Variants in ODF1 observed in about 807,000 individuals in gnomAD.
The protein encoded by ODF1 is outer dense fiber protein 1.
ODF1 carries 10 observed loss-of-function variants against 24.0 expected under a neutral mutation model. That is an observed-to-expected ratio of 0.42 (90% CI 0.26 to 0.71). The LOEUF is 0.71. ODF1 is among the 30% of genes least tolerant of loss of function. The probability of loss-of-function intolerance (pLI) is 0.28; values close to 1 mark genes in which losing one functional copy is unlikely to be tolerated. For synonymous variants in ODF1, 118 were observed against 121.3 expected, an observed-to-expected ratio of 0.97 and a Z score of 0.18; for missense variants, 282 against 307.9, an observed-to-expected ratio of 0.92 and a Z score of 0.63.
rs1826043361 is a variant in ODF1, at chr8:102,551,802, G to A, written c.75G>A (p.Leu25=). 4.3e-6 allele frequency: 7 copies of A among 1,614,028 alleles called. No homozygotes were observed. Among genetic ancestry groups the A allele is most frequent in the Non-Finnish European group, 5.9e-6 (7 of 1,180,022 alleles). The part of the protein sequence containing the change: ...IKKVDRELRQ[L]RCIDEFSTRC... ...AGGTGGACAGAGAACTAAGGCAACT[G>A]AGATGCATCGACGAATTTAGCACAC... The change falls in exon 1 of 2, where the codon CTG becomes CTA. Residue 25 remains leucine, a synonymous_variant. Coordinates refer to ENST00000285402, the MANE Select transcript of ODF1 (RefSeq NM_024410.4).
At position 102,552,080 on chromosome 8, in the gene ODF1, G is replaced by A. The variant is rs772794010; in HGVS notation, c.320+33G>A. The A allele has an allele frequency of 3.0e-5, 44 of 1,484,332 alleles. No individual in the cohort carries two copies. In the South Asian group the frequency reaches 3.3e-4, roughly 11 times the overall value. 91.9% of individuals were successfully genotyped at this position (1,484,332 alleles called of 1,614,324 possible). A position where few individuals can be genotyped will look rare whatever the true frequency, so the allele number is the denominator to read the frequency against. The stretch of plus-strand genomic sequence containing the variant: ...AACTTATTTTTAAATTTTTATAGTC[G>A]GTATATTAGCCTTATAAGTTGGAAT... On this transcript the variant is annotated intron_variant, in intron 1 of 1. Transcript: ENST00000285402.
At chr8:102,552,745 A>G (rs2436903) in intron 1 of ODF1, among the ~76,000 whole-genome samples, 86,896 of 151,970 alleles carry the variant, frequency 0.57, 25,433 homozygotes, top group Middle Eastern at 0.71. Context: ...TTTGTTTTAG[A>G]TTATATTTTC....
rs1458334133 is a variant in ODF1 at position 102,560,656 on chromosome 8, C to T, written c.525C>T (p.Phe175=). 1.2e-6 allele frequency: 2 copies of T among 1,614,214 alleles called. No homozygotes were observed. Among genetic ancestry groups the T allele is most frequent in the Admixed American group, 1.7e-5 (1 of 60,026 alleles). ...GCTACATGAACATCTGCAAAGAGTT[C>T]AGCTTGCCGCCCTGTGTGGATGAGA... ...KYSYMNICKE[F]SLPPCVDEKD... Residue 175 remains phenylalanine (F), a synonymous_variant, in exon 2 of 2, where the codon TTC becomes TTT. Transcript: ENST00000285402.
chr8:102,560,184 G>A (rs1278162831), intron 1 of ODF1, among the ~76,000 whole-genome samples: 2 of 149,418 alleles, frequency 1.3e-5, no homozygotes, highest in East Asian at 3.8e-4. Flanking sequence ...ATAATAAGAG[G>A]AGGAGCTGGT....
At chr8:102,554,376 T>A (rs1337633907) in intron 1 of ODF1, among the ~76,000 whole-genome samples, 3 of 152,206 alleles carry the variant, frequency 2.0e-5, no homozygotes, top group Non-Finnish European at 1.5e-5. Flanking sequence ...GCAAGGGGGT[T>A]GGTTAGTTAT....
chr8:102,557,701 T>C (rs1254439665), intron 1 of ODF1, among the ~76,000 whole-genome samples: 2 of 152,266 alleles, frequency 1.3e-5, no homozygotes, highest in Admixed American at 6.5e-5. Context: ...GGACTCCTAG[T>C]TGGGGCCCTT....
chr8:102,559,708 C>T (rs998822793), intron 1 of ODF1, among the ~76,000 whole-genome samples: 2 of 151,470 alleles, frequency 1.3e-5, no homozygotes, highest in African/African-American at 4.9e-5. Flanking sequence ...GGGCAAAAGA[C>T]TTTCACACAA....
chr8:102,560,933 G>A lies in ODF1; in HGVS notation c.*49G>A, dbSNP rs1414448850. ...TAATAGAAGTCAGTTACTCCAGCCAGGCAGCTCTCCCAATGTTTCTCCTCT... is the reference window on the plus strand; with the variant it reads ...TAATAGAAGTCAGTTACTCCAGCCAAGCAGCTCTCCCAATGTTTCTCCTCT... On this transcript the variant is annotated 3_prime_UTR_variant, in exon 2 of 2. Transcript: ENST00000285402. 1.3e-6 allele frequency: 2 copies of A among 1,519,196 alleles called. No individual in the cohort carries two copies. The highest frequency in any genetic ancestry group is 1.4e-5 in the African/African-American group (1 of 72,294). The allele number at this position is 1,519,196 out of a possible 1,614,324, so 94.1% of individuals were successfully genotyped here.
At chr8:102,553,540 C>T (rs1826074311) in intron 1 of ODF1, among the ~76,000 whole-genome samples, 1 of 152,198 alleles carries the variant, frequency 6.6e-6, no homozygotes, top group South Asian at 2.1e-4. Context: ...ATAAATTGCT[C>T]ACACTGTGAG....
chr8:102,557,996 T>C (rs540574864), intron 1 of ODF1, among the ~76,000 whole-genome samples: 1 of 152,350 alleles, frequency 6.6e-6, no homozygotes, highest in African/African-American at 2.4e-5. Context: ...TCCAGCAAGA[T>C]AGAGTGCTTG....
At position 102,560,384 on chromosome 8, in the gene ODF1, C is replaced by T. The variant is rs1208482870; in HGVS notation, c.321-68C>T. 2.8e-6 allele frequency: 4 copies of T among 1,419,302 alleles called. No individual in the cohort carries two copies. The African/African-American group carries it at 4.3e-5, about 15-fold the overall frequency. The allele number at this position is 1,419,302 out of a possible 1,614,324, so 87.9% of individuals were successfully genotyped here. A position where few individuals can be genotyped will look rare whatever the true frequency, so the allele number is the denominator to read the frequency against. ...TCAAAAGCTAGAAATCAAAATATTG[C>T]TTCTCAAGCTGTGTCTGGATTCTGA... On this transcript the variant is annotated intron_variant, in intron 1 of 1. Coordinates refer to ENST00000285402, the MANE Select transcript of ODF1 (RefSeq NM_024410.4).
intron 1 of ODF1, 120 bp from the exon 2 acceptor site, chr8:102,560,332 C>A: frequency 1.1e-6 from 1 of 901,304 alleles, no homozygotes; most frequent in Non-Finnish European, 1.7e-6. Context: ...TTTATTTTCA[C>A]AATGGCTAGT....
Position 102,555,040 on chromosome 8 carries a change from CA to C in ODF1, c.320+2994del, listed in dbSNP as rs140410842. Among the ~76,000 whole-genome samples the C allele has an allele frequency of 1.0e-2, 1,522 of 152,282 alleles. 20 individuals carry two copies. Among genetic ancestry groups the C allele is most frequent in the African/African-American group, 0.034 (1,394 of 41,540 alleles). ...GCTGCTTCAGAAGACACCATGTTGGCAGTGTCTTCCTTAGTAGAGACCCAAG... is the reference window on the plus strand; with the variant it reads ...GCTGCTTCAGAAGACACCATGTTGGCGTGTCTTCCTTAGTAGAGACCCAAG... On this transcript the variant is annotated intron_variant, in intron 1 of 1. Transcript: ENST00000285402.
At chr8:102,557,235 C>A (rs186625525) in intron 1 of ODF1, among the ~76,000 whole-genome samples, 4 of 152,138 alleles carry the variant, frequency 2.6e-5, no homozygotes, top group Non-Finnish European at 4.4e-5. Flanking sequence ...ACTCCCTTTG[C>A]GCAGAACCCC....
intron 1 of ODF1, among the ~76,000 whole-genome samples, chr8:102,559,450 T>C (rs999166916): frequency 1.3e-5 from 2 of 151,702 alleles, no homozygotes; most frequent in Middle Eastern, 3.2e-3. Flanking sequence ...CATTTTCCAA[T>C]TTCCATGGTG....
In ODF1 at chr8:102,560,528, G is replaced by A. The variant is rs202057125; in HGVS notation, c.397G>A (p.Gly133Ser). ...CATTTTAGGATCGGTGAATGTATGC[G>A]GTTTTGAACCCGATCAAGTCAAAGT... ...SNILGSVNVCGFEPDQVKVRV... is the reference protein window; with the variant it reads ...SNILGSVNVCSFEPDQVKVRV... The change falls in exon 2 of 2, where the codon GGT (glycine) becomes AGT (serine). Residue 133 changes from glycine to serine, a missense_variant. By Grantham distance (56) the Gly-to-Ser change is moderately conservative (BLOSUM62 0). Coordinates refer to ENST00000285402, the MANE Select transcript of ODF1 (RefSeq NM_024410.4). 1.5e-5 allele frequency: 25 copies of A among 1,614,190 alleles called. 1 individual carries two copies. The highest frequency in any genetic ancestry group is 4.4e-5 in the South Asian group (4 of 91,084).
In ODF1 at chr8:102,560,556, G is replaced by C; in HGVS notation, c.425G>C (p.Arg142Pro). 3 of 1,614,182 alleles carry C rather than the reference G, an allele frequency of 1.9e-6. No homozygotes were observed. The highest frequency in any genetic ancestry group is 2.5e-6 in the Non-Finnish European group (3 of 1,180,038). The change falls in exon 2 of 2, where the codon CGA becomes CCA. Residue 142 changes from arginine (R) to proline (P), a missense_variant. By Grantham distance (103) the Arg-to-Pro change is moderately radical. Coordinates refer to ENST00000285402, the MANE Select transcript of ODF1 (RefSeq NM_024410.4). ...TTTGAACCCGATCAAGTCAAAGTTC[G>C]AGTGAAGGATGGAAAGGTATGTGTG... ...CGFEPDQVKV[R>P]VKDGKVCVSA...
In ODF1 at chr8:102,560,529, G is replaced by A. The variant is rs758438919; in HGVS notation, c.398G>A (p.Gly133Asp). Residue 133 changes from glycine (G) to aspartate (D), a missense_variant, in exon 2 of 2, where the codon GGT (glycine) becomes GAT (aspartate). Physicochemically the swap from Gly to Asp is moderately conservative, Grantham distance 94. Transcript: ENST00000285402. ...SNILGSVNVCGFEPDQVKVRV... is the reference protein window; with the variant it reads ...SNILGSVNVCDFEPDQVKVRV... ...ATTTTAGGATCGGTGAATGTATGCG[G>A]TTTTGAACCCGATCAAGTCAAAGTT... 1.2e-6 allele frequency: 2 copies of A among 1,614,096 alleles called. No homozygotes were observed. The highest frequency in any genetic ancestry group is 2.7e-5 in the African/African-American group (2 of 74,922).
intron 1 of ODF1, among the ~76,000 whole-genome samples, chr8:102,552,685 C>A (rs2511759): frequency 0.57 from 86,907 of 151,832 alleles, 25,449 homozygotes; most frequent in Middle Eastern, 0.71. Context: ...ACTTGAAAGG[C>A]TTTTTAATTG....
Sources: gnomAD v4.1 joint callset for allele counts (sites outside exome capture counted in the v4.1 genomes callset) on GRCh38, gnomAD v4.1.1 for gene constraint, MANE v1.5 for transcripts, NCBI Gene and HGNC (gene_info 2026-07-23, HGNC 2026-07-21) for gene names.